Variants in ERC2 observed in about 807,000 individuals in gnomAD.
ERC2 encodes ERC protein 2.
ERC2 carries 42 observed loss-of-function variants against 114.8 expected under a neutral mutation model. That is an observed-to-expected ratio of 0.37 (90% CI 0.29 to 0.47). The LOEUF is 0.47. Among genes scored for constraint, ERC2 ranks in the 20% least tolerant of loss-of-function variants. ERC2 has a pLI of 0.99. For missense variants in ERC2, 939 were observed against 1,150.7 expected, an observed-to-expected ratio of 0.82 and a Z score of 2.66; for synonymous variants, 454 against 425.5, an observed-to-expected ratio of 1.07 and a Z score of -0.82.
chr3:55,994,612 AT>A lies in ERC2; in HGVS notation c.2062-2363del, dbSNP rs934273636. Among the ~76,000 whole-genome samples, 4 of 118,444 alleles carry A rather than the reference AT, an allele frequency of 3.4e-5. No individual in the cohort carries two copies. In the Admixed American group the frequency reaches 3.5e-4, roughly 10 times the overall value. 77.7% of individuals were successfully genotyped at this position (118,444 alleles called of 152,430 possible). On this transcript the variant is annotated intron_variant, in intron 10 of 17. Transcript: ENST00000288221. ...GTTACTCAGCTAAGTTAATAGATTT[AT>A]TTGATTTTCATTGACAAGATACTAC...
chr3:55,632,232 C>G (rs1286072369), intron 17 of ERC2, among the ~76,000 whole-genome samples: 2 of 152,210 alleles, frequency 1.3e-5, no homozygotes, highest in African/African-American at 4.8e-5. Context: ...TGCCCATATA[C>G]ATACCAACCT....
intron 17 of ERC2, among the ~76,000 whole-genome samples, chr3:55,657,054 A>G (rs1289430917): frequency 6.6e-6 from 1 of 152,000 alleles, no homozygotes; most frequent in East Asian, 1.9e-4. Context: ...CTCCCCCTAG[A>G]GATGGCCTGG....
At chr3:55,937,824 G>T (rs561917219) in intron 13 of ERC2, among the ~76,000 whole-genome samples, 1 of 152,204 alleles carries the variant, frequency 6.6e-6, no homozygotes, top group East Asian at 1.9e-4. Context: ...TGTATTCAGG[G>T]TGGCTTATGT....
At chr3:55,791,257 A>G (rs1187045847) in intron 14 of ERC2, among the ~76,000 whole-genome samples, 1 of 152,224 alleles carries the variant, frequency 6.6e-6, no homozygotes, top group African/African-American at 2.4e-5. Flanking sequence ...CTGTTTTGAT[A>G]AAGATCATTT....
intron 17 of ERC2, among the ~76,000 whole-genome samples, chr3:55,618,298 G>A (rs968853528): frequency 2.6e-5 from 4 of 151,970 alleles, no homozygotes; most frequent in Non-Finnish European, 5.9e-5. Flanking sequence ...ATTAAAGCAG[G>A]GTGAATGGGC....
At chr3:56,405,473 G>T (rs1560765211) in intron 2 of ERC2, among the ~76,000 whole-genome samples, 1 of 151,854 alleles carries the variant, frequency 6.6e-6, no homozygotes, top group East Asian at 1.9e-4. Flanking sequence ...CTGGGCAGTA[G>T]CCCTGATCAA....
chr3:56,081,628 T>A (rs1417217931), intron 6 of ERC2, among the ~76,000 whole-genome samples: 3 of 151,364 alleles, frequency 2.0e-5, no homozygotes, highest in Non-Finnish European at 4.4e-5. Context: ...CTCTAAAATT[T>A]AAAAAAAATA....
At chr3:56,328,421 T>A (rs1252565824) in intron 2 of ERC2, among the ~76,000 whole-genome samples, 2 of 152,236 alleles carry the variant, frequency 1.3e-5, no homozygotes, top group Admixed American at 6.5e-5. Flanking sequence ...ACACTACAGC[T>A]GTTCAGTAAA....
chr3:56,120,977 A>G (rs571337769), intron 6 of ERC2, among the ~76,000 whole-genome samples: 3 of 152,322 alleles, frequency 2.0e-5, no homozygotes, highest in South Asian at 4.1e-4. Context: ...AGTACTGATA[A>G]GTCTGAAAAG....
intron 12 of ERC2, among the ~76,000 whole-genome samples, chr3:55,964,119 G>T (rs1253229075): frequency 6.6e-6 from 1 of 152,208 alleles, no homozygotes; most frequent in Non-Finnish European, 1.5e-5. Context: ...CATCTTCCAT[G>T]TTCAAATGTT....
chr3:56,401,889 A>G (rs2060533697), intron 2 of ERC2, among the ~76,000 whole-genome samples: 1 of 152,212 alleles, frequency 6.6e-6, no homozygotes, highest in African/African-American at 2.4e-5. Context: ...TAATTTATAA[A>G]GGAAAGAGGT....
At chr3:56,371,629 A>G (rs62255901) in intron 2 of ERC2, among the ~76,000 whole-genome samples, 6,431 of 152,348 alleles carry the variant, frequency 0.042, 206 homozygotes, top group Non-Finnish European at 0.067. Flanking sequence ...CAGCAGCCAT[A>G]TAAAGAGGGC....
At chr3:55,602,949 G>A (rs1319580403) in intron 17 of ERC2, among the ~76,000 whole-genome samples, 2 of 152,134 alleles carry the variant, frequency 1.3e-5, no homozygotes, top group Non-Finnish European at 2.9e-5. Flanking sequence ...GTTCTCAGAG[G>A]GTGGGACAGG....
At chr3:55,609,555 C>T (rs1011984314) in intron 17 of ERC2, among the ~76,000 whole-genome samples, 10 of 152,110 alleles carry the variant, frequency 6.6e-5, no homozygotes, top group Non-Finnish European at 1.2e-4. Flanking sequence ...AGGAAACACC[C>T]TCTATTCCCT....
chr3:56,067,813 A>G (rs1002231987), intron 7 of ERC2, among the ~76,000 whole-genome samples: 2 of 152,092 alleles, frequency 1.3e-5, no homozygotes, highest in African/African-American at 4.8e-5. Context: ...GGTTTTTGTC[A>G]TTGGTTCTGT....
At chr3:56,459,527 CCACACACACACA>C (rs58270143) in intron 1 of ERC2, among the ~76,000 whole-genome samples, 30 of 150,732 alleles carry the variant, frequency 2.0e-4, no homozygotes, top group Non-Finnish European at 3.3e-4. Context: ...TGCTATCAGA[CCACACACACACA>C]CACACACACA....
intron 2 of ERC2, among the ~76,000 whole-genome samples, chr3:56,362,390 C>T (rs1007652845): frequency 3.6e-4 from 55 of 152,194 alleles, no homozygotes; most frequent in African/African-American, 1.0e-3. Context: ...AACAAGGGTA[C>T]ATCACACCTT....
intron 2 of ERC2, among the ~76,000 whole-genome samples, chr3:56,402,999 G>A (rs778112649): frequency 6.6e-6 from 1 of 152,110 alleles, no homozygotes; most frequent in Admixed American, 6.5e-5. Context: ...CCTCCCAACT[G>A]TGGTAACCAA....
At chr3:56,226,490 A>C (rs1262193857) in intron 3 of ERC2, among the ~76,000 whole-genome samples, 2 of 152,124 alleles carry the variant, frequency 1.3e-5, no homozygotes, top group Admixed American at 1.3e-4. Context: ...GGAGTTCAAA[A>C]CTGCAGTGTG....
Sources: allele counts gnomAD v4.1 joint callset (sites outside exome capture counted in the v4.1 genomes callset), GRCh38; gene constraint gnomAD v4.1.1; transcripts MANE v1.5; gene names NCBI Gene and HGNC (gene_info 2026-07-23, HGNC 2026-07-21).